The following KCNH1 variants were observed in gnomAD, a reference collection of about 807,000 sequenced individuals.
KCNH1 encodes voltage-gated delayed rectifier potassium channel KCNH1.
Under a neutral mutation model 69.2 loss-of-function variants are expected in KCNH1, and 27 were observed. The ratio of observed to expected loss-of-function variants is 0.39; its 90% CI spans 0.29 to 0.54. KCNH1 has a LOEUF of 0.54. Among genes scored for constraint, KCNH1 ranks in the 20% least tolerant of loss-of-function variants. The probability of loss-of-function intolerance (pLI) is 0.68; values close to 1 mark genes in which losing one functional copy is unlikely to be tolerated. For missense variants in KCNH1, 798 were observed against 1,261.6 expected (o/e 0.63, Z 5.57); for synonymous variants, 456 against 487.7 (o/e 0.93, Z 0.86).
At chr1:211,039,856 G>C (rs1422949173) in intron 5 of KCNH1, among the ~76,000 whole-genome samples, 1 of 152,124 alleles carries the variant, frequency 6.6e-6, no homozygotes, top group East Asian at 1.9e-4. Flanking sequence ...TCTCAGATGA[G>C]ACTTTGGACT....
At chr1:210,947,173 GAAC>G (rs1380502281) in intron 6 of KCNH1, among the ~76,000 whole-genome samples, 2 of 152,164 alleles carry the variant, frequency 1.3e-5, no homozygotes, top group African/African-American at 4.8e-5. Context: ...GACAGCTTTT[GAAC>G]AAGGGTGAGA....
intron 10 of KCNH1, among the ~76,000 whole-genome samples, chr1:210,697,198 GCTT>G (rs1449597973): frequency 6.6e-6 from 1 of 152,206 alleles, no homozygotes; most frequent in Non-Finnish European, 1.5e-5. Context: ...AAAAATTCAT[GCTT>G]CTTTGCTTGG....
At chr1:210,978,163 C>T (rs970152386) in intron 6 of KCNH1, among the ~76,000 whole-genome samples, 2 of 151,742 alleles carry the variant, frequency 1.3e-5, no homozygotes, top group African/African-American at 2.4e-5. Context: ...CTCAGCCTCC[C>T]GAGTAGCTGG....
At chr1:210,926,879 A>G (rs552695046) in intron 6 of KCNH1, among the ~76,000 whole-genome samples, 1 of 152,158 alleles carries the variant, frequency 6.6e-6, no homozygotes, top group African/African-American at 2.4e-5. Flanking sequence ...AAAAACAATC[A>G]CAACTTCTGG....
chr1:210,928,883 T>C (rs916446620), intron 6 of KCNH1, among the ~76,000 whole-genome samples: 2 of 152,130 alleles, frequency 1.3e-5, no homozygotes, highest in Non-Finnish European at 2.9e-5. Context: ...CAAAAGATTA[T>C]TCAAGGCTAC....
chr1:210,805,555 T>A (rs913591960), intron 7 of KCNH1, among the ~76,000 whole-genome samples: 1 of 152,010 alleles, frequency 6.6e-6, no homozygotes, highest in Non-Finnish European at 1.5e-5. Flanking sequence ...TTTATATACA[T>A]GGAATCATAC....
At chr1:210,984,927 G>A (rs945199027) in intron 6 of KCNH1, among the ~76,000 whole-genome samples, 32 of 152,048 alleles carry the variant, frequency 2.1e-4, no homozygotes, top group African/African-American at 7.7e-4. Context: ...ACTTTTTTTG[G>A]TTGGTAAGCT....
chr1:210,760,955 CA>C (rs1286031464), intron 10 of KCNH1, among the ~76,000 whole-genome samples: 1 of 152,126 alleles, frequency 6.6e-6, no homozygotes, highest in Non-Finnish European at 1.5e-5. Flanking sequence ...CTTGCTACCA[CA>C]AAAGTACATG....
intron 7 of KCNH1, among the ~76,000 whole-genome samples, chr1:210,811,343 A>T (rs936562398): frequency 6.6e-6 from 1 of 152,078 alleles, no homozygotes; most frequent in African/African-American, 2.4e-5. Flanking sequence ...AGAGGTACTT[A>T]TTGTCACTAA....
At chr1:210,938,484 C>T (rs750339836) in intron 6 of KCNH1, among the ~76,000 whole-genome samples, 3 of 152,236 alleles carry the variant, frequency 2.0e-5, no homozygotes, top group Non-Finnish European at 2.9e-5. Context: ...CACAACCCCA[C>T]TTAAACTAGG....
chr1:210,800,634 A>C (rs1684408733), intron 8 of KCNH1, among the ~76,000 whole-genome samples: 1 of 152,138 alleles, frequency 6.6e-6, no homozygotes, highest in African/African-American at 2.4e-5. Flanking sequence ...CTCCACACTG[A>C]GGTGGGTGGG....
intron 7 of KCNH1, among the ~76,000 whole-genome samples, chr1:210,899,537 C>T (rs1686951997): frequency 6.6e-6 from 1 of 151,844 alleles, no homozygotes; most frequent in Non-Finnish European, 1.5e-5. Context: ...AACAAAAGCT[C>T]TTTGGGATTT....
At chr1:210,983,750 T>C (rs929783344) in intron 6 of KCNH1, among the ~76,000 whole-genome samples, 4 of 152,328 alleles carry the variant, frequency 2.6e-5, no homozygotes, top group African/African-American at 9.6e-5. Flanking sequence ...GACTTGGCGA[T>C]GCGGGCTCTT....
At chr1:210,968,032 A>C (rs1688441609) in intron 6 of KCNH1, among the ~76,000 whole-genome samples, 2 of 148,858 alleles carry the variant, frequency 1.3e-5, no homozygotes, top group South Asian at 4.3e-4. Context: ...ACCACCCCAC[A>C]ACAGTCCCCA....
chr1:210,917,228 AG>A (rs1191762944), intron 7 of KCNH1, among the ~76,000 whole-genome samples: 3,867 of 104,448 alleles, frequency 0.037, 79 homozygotes, highest in East Asian at 0.064. Context: ...AGAGAGAGAG[AG>A]AGAAAGAAAG....
chr1:210,945,687 C>T lies in KCNH1; in HGVS notation c.1033-25618G>A, dbSNP rs552835950. On this transcript the variant is annotated intron_variant, in intron 6 of 10. Coordinates refer to ENST00000271751, the MANE Select transcript of KCNH1 (RefSeq NM_172362.3). ...TGTCCCCTCAACTCAGTCACTCCCA[C>T]GTAGTCACAGAGAACTTCTGTTGTT... Among the ~76,000 whole-genome samples the T allele has an allele frequency of 4.0e-4, 61 of 152,332 alleles. No individual in the cohort carries two copies. The South Asian group carries it at 0.012, about 30-fold the overall frequency.
intron 7 of KCNH1, among the ~76,000 whole-genome samples, chr1:210,876,030 C>T (rs1347045349): frequency 1.3e-5 from 2 of 151,796 alleles, no homozygotes; most frequent in Admixed American, 6.6e-5. Flanking sequence ...ACTATAAAAC[C>T]CAATATTATT....
intron 5 of KCNH1, among the ~76,000 whole-genome samples, chr1:211,023,036 G>A (rs1365149916): frequency 6.6e-5 from 10 of 151,690 alleles, no homozygotes; most frequent in African/African-American, 9.7e-5. Context: ...ACTTGAACCC[G>A]GGAGGCAGAG....
chr1:210,893,485 G>GT (rs1342230362), intron 7 of KCNH1, among the ~76,000 whole-genome samples: 2 of 151,748 alleles, frequency 1.3e-5, no homozygotes, highest in East Asian at 1.9e-4. Context: ...CTTGCCATAG[G>GT]TTTTTTGTGT....
Sources: allele counts gnomAD v4.1 joint callset (sites outside exome capture counted in the v4.1 genomes callset), GRCh38; gene constraint gnomAD v4.1.1; transcripts MANE v1.5; gene names NCBI Gene and HGNC (gene_info 2026-07-23, HGNC 2026-07-21).